The following KLHL28 variants were observed in gnomAD, a reference collection of about 807,000 sequenced individuals.
The protein encoded by KLHL28 is kelch like family member 28.
A neutral mutation model predicts 48.3 loss-of-function variants in KLHL28; 22 were observed. The observed-to-expected ratio is 0.46, with a 90% CI of 0.33 to 0.65. The LOEUF is 0.65. Among genes scored for constraint, KLHL28 ranks in the 30% least tolerant of loss-of-function variants. The probability of loss-of-function intolerance (pLI) is 0.03; values close to 1 mark genes in which losing one functional copy is unlikely to be tolerated. For synonymous variants in KLHL28, 243 were observed against 242.4 expected, an observed-to-expected ratio of 1.00 and a Z score of -0.02; for missense variants, 527 against 704.3, an observed-to-expected ratio of 0.75 and a Z score of 2.85.
chr14:44,929,548 T>C (rs1883497369), intron 4 of KLHL28, among the ~76,000 whole-genome samples: 1 of 152,232 alleles, frequency 6.6e-6, no homozygotes, highest in Non-Finnish European at 1.5e-5. Context: ...TTATCATAGA[T>C]ATATATGTAT....
At chr14:44,934,072 A>G in intron 3 of KLHL28, 43 bp downstream of exon 3, 1 of 1,458,754 alleles carries the variant, frequency 6.9e-7, no homozygotes, top group Non-Finnish European at 9.3e-7. Context: ...TGAGACTTTT[A>G]AAAATCCATA....
chr14:44,956,393 A>C (rs1022139803), intron 1 of KLHL28, among the ~76,000 whole-genome samples: 1 of 152,220 alleles, frequency 6.6e-6, no homozygotes, highest in Non-Finnish European at 1.5e-5. Flanking sequence ...AGAGATAGCT[A>C]GATAATTGGG....
chr14:44,956,459 C>A (rs1884797888), intron 1 of KLHL28, among the ~76,000 whole-genome samples: 1 of 152,276 alleles, frequency 6.6e-6, no homozygotes, highest in East Asian at 1.9e-4. Flanking sequence ...AACCCCAACA[C>A]ACACCAAAGT....
At chr14:44,941,006 A>T (rs1887958586) in intron 2 of KLHL28, among the ~76,000 whole-genome samples, 1 of 152,134 alleles carries the variant, frequency 6.6e-6, no homozygotes, top group African/African-American at 2.4e-5. Flanking sequence ...AGGCTGAGGC[A>T]GGAGAATCGC....
chr14:44,961,102 A>G, intron 1 of KLHL28: 3 of 425,282 alleles, frequency 7.1e-6, no homozygotes, highest in Non-Finnish European at 1.3e-5. Context: ...TGAGGAGAAA[A>G]TGCACACAAA....
chr14:44,961,057 C>T (rs1885060724), intron 1 of KLHL28: 1 of 510,874 alleles, frequency 2.0e-6, no homozygotes, highest in Non-Finnish European at 3.5e-6. Context: ...CTAGACACTC[C>T]AGCTCTTCCA....
At chr14:44,938,378 T>C (rs1883913498) in intron 2 of KLHL28, among the ~76,000 whole-genome samples, 1 of 145,490 alleles carries the variant, frequency 6.9e-6, no homozygotes, top group Non-Finnish European at 1.5e-5. Flanking sequence ...CATTGTCTTC[T>C]TTTTTTTTTT....
rs562348435 is a variant in KLHL28 at position 44,935,254 on chromosome 14, C to G, written c.900-696G>C. Among the ~76,000 whole-genome samples the G allele has an allele frequency of 2.0e-5, 3 of 152,042 alleles. No individual in the cohort carries two copies. The East Asian group carries it at 5.8e-4, about 29-fold the overall frequency. On this transcript the variant is annotated intron_variant, in intron 2 of 4. Transcript: ENST00000396128. The stretch of plus-strand genomic sequence containing the variant: ...CAATTAAGTTCAAAAACAGGTAAAA[C>G]GAATCTCTGGATTAGGAATGAAGAT...
In KLHL28 at chr14:44,936,175, C is replaced by T. The variant is rs1015177791; in HGVS notation, c.900-1617G>A. ...AGTGAAAACAGGGGGTATAACTTTC[C>T]AATGATTTTTACTATAATGAGTAAA... On this transcript the variant is annotated intron_variant, in intron 2 of 4. Transcript: ENST00000396128. Among the ~76,000 whole-genome samples, 45 of 151,632 alleles carry T rather than the reference C, an allele frequency of 3.0e-4. 1 individual carries two copies. The highest frequency in any genetic ancestry group is 3.3e-4 in the Admixed American group (5 of 15,188).
chr14:44,958,227 C>T (rs1161238487), intron 1 of KLHL28, among the ~76,000 whole-genome samples: 2 of 151,512 alleles, frequency 1.3e-5, no homozygotes, highest in Non-Finnish European at 2.9e-5. Flanking sequence ...GCTCTGAAAC[C>T]AAGTTAATAA....
intron 2 of KLHL28, among the ~76,000 whole-genome samples, chr14:44,941,973 T>G (rs572031238): frequency 2.2e-4 from 34 of 152,360 alleles, no homozygotes; most frequent in Admixed American, 1.7e-3. Flanking sequence ...ATCAAAGACT[T>G]CATAGTTTTA....
At chr14:44,934,030 C>A in intron 3 of KLHL28, 85 bp downstream of exon 3, 3 of 1,101,130 alleles carry the variant, frequency 2.7e-6, no homozygotes, top group Non-Finnish European at 3.9e-6. Flanking sequence ...TTCATACACA[C>A]AAATTGTTTA....
rs1249208523 is a variant in KLHL28, at chr14:44,951,170, G to A, written c.1-5242C>T. On this transcript the variant is annotated intron_variant, in intron 1 of 4. Transcript: ENST00000396128. ...CTCTATTCTAAGGGTGTGGGATGGG[G>A]TCAAAAGTCTAACACCTAATCACAA... Among the ~76,000 whole-genome samples the A allele has an allele frequency of 2.6e-5, 4 of 152,328 alleles. No homozygotes were observed. In the East Asian group the frequency reaches 5.8e-4, roughly 22 times the overall value.
intron 1 of KLHL28, among the ~76,000 whole-genome samples, chr14:44,960,462 T>A (rs1447965658): frequency 6.6e-6 from 1 of 152,228 alleles, no homozygotes; most frequent in Admixed American, 6.5e-5. Context: ...TCTACACATT[T>A]GAGCTTCTTA....
At chr14:44,943,019 C>T (rs1199920207) in intron 2 of KLHL28, among the ~76,000 whole-genome samples, 1 of 151,944 alleles carries the variant, frequency 6.6e-6, no homozygotes, top group African/African-American at 2.4e-5. Flanking sequence ...AATAATGCTG[C>T]AATAAACAGC....
At chr14:44,935,698 C>A (rs905036904) in intron 2 of KLHL28, among the ~76,000 whole-genome samples, 2 of 150,870 alleles carry the variant, frequency 1.3e-5, no homozygotes, top group Non-Finnish European at 3.0e-5. Context: ...CGTAAAAATT[C>A]AGGACAGTGG....
intron 2 of KLHL28, among the ~76,000 whole-genome samples, chr14:44,937,659 C>T (rs1883882441): frequency 6.6e-6 from 1 of 152,072 alleles, no homozygotes; most frequent in Admixed American, 6.5e-5. Context: ...TCATTTTCTG[C>T]CGATATAACA....
chr14:44,936,928 T>G (rs1317404796), intron 2 of KLHL28, among the ~76,000 whole-genome samples: 2 of 152,100 alleles, frequency 1.3e-5, no homozygotes, highest in Non-Finnish European at 2.9e-5. Flanking sequence ...AAAGACTCAT[T>G]GGAGGGTGTG....
At chr14:44,949,630 A>G (rs1045495542) in intron 1 of KLHL28, among the ~76,000 whole-genome samples, 2 of 152,136 alleles carry the variant, frequency 1.3e-5, no homozygotes, top group Non-Finnish European at 2.9e-5. Flanking sequence ...ATGAAGCTGC[A>G]AAGGACAGCA....
Sources: gnomAD v4.1 joint callset for allele counts (sites outside exome capture counted in the v4.1 genomes callset) on GRCh38, gnomAD v4.1.1 for gene constraint, MANE v1.5 for transcripts, NCBI Gene and HGNC (gene_info 2026-07-23, HGNC 2026-07-21) for gene names.